GALNTL6: variants seen among roughly 807,000 people sequenced by gnomAD.
GALNTL6 encodes the protein polypeptide N-acetylgalactosaminyltransferase-like 6.
A neutral mutation model predicts 73.7 loss-of-function variants in GALNTL6; 46 were observed. The observed-to-expected ratio is 0.62, with a 90% CI of 0.49 to 0.80. The LOEUF (loss-of-function observed/expected upper bound fraction) is 0.80, where lower values mean the gene tolerates loss of function less well. Ranked by LOEUF, GALNTL6 falls within the 30% of genes least tolerant of loss-of-function variation. The pLI, the probability that GALNTL6 is intolerant of heterozygous loss-of-function variation, is 0.00. For synonymous variants in GALNTL6, 259 were observed against 263.7 expected (o/e 0.98, Z 0.17); for missense variants, 604 against 755.0 (o/e 0.80, Z 2.34).
intron 2 of GALNTL6, among the ~76,000 whole-genome samples, chr4:171,936,015 T>G (rs1010439360): frequency 6.6e-6 from 1 of 152,134 alleles, no homozygotes; most frequent in Non-Finnish European, 1.5e-5. Context: ...TCAGAAAATA[T>G]CTATCTGTGG....
intron 2 of GALNTL6, among the ~76,000 whole-genome samples, chr4:172,034,966 T>A (rs1229951354): frequency 6.6e-6 from 1 of 152,126 alleles, no homozygotes; most frequent in Non-Finnish European, 1.5e-5. Context: ...ATTCCTAAAC[T>A]CCTGCACTAA....
rs7658834 is a variant in GALNTL6, at chr4:173,023,670, G to A, written c.1638+2045G>A. Among the ~76,000 whole-genome samples the A allele has an allele frequency of 2.5e-4, 38 of 150,976 alleles. 1 individual carries two copies. Among genetic ancestry groups the A allele is most frequent in the African/African-American group, 8.7e-4 (36 of 41,172 alleles). On this transcript the variant is annotated intron_variant, in intron 12 of 12. Coordinates refer to ENST00000506823, the MANE Select transcript of GALNTL6 (RefSeq NM_001034845.3). ...AGAGCGAAACTCCATCCCAAAAAAA[G>A]CAAAAAAAAATCAGTTGTTATATCC...
chr4:172,480,609 C>T (rs1186491933), intron 5 of GALNTL6, among the ~76,000 whole-genome samples: 2 of 152,184 alleles, frequency 1.3e-5, no homozygotes, highest in African/African-American at 4.8e-5. Context: ...TAGTTAGCAG[C>T]TGCCGTACAA....
intron 5 of GALNTL6, among the ~76,000 whole-genome samples, chr4:172,519,471 C>A (rs1734707960): frequency 6.7e-6 from 1 of 150,014 alleles, no homozygotes; most frequent in Non-Finnish European, 1.5e-5. Flanking sequence ...ACATGAAAAT[C>A]AATTACCTGA....
intron 5 of GALNTL6, among the ~76,000 whole-genome samples, chr4:172,649,234 C>T (rs1740374188): frequency 6.6e-6 from 1 of 152,046 alleles, no homozygotes; most frequent in Non-Finnish European, 1.5e-5. Context: ...CTGAAGCAAC[C>T]TCAGCCACTG....
At position 172,598,638 on chromosome 4, in the gene GALNTL6, G is replaced by A. The variant is rs1423812518; in HGVS notation, c.554-210723G>A. Among the ~76,000 whole-genome samples, 6 of 151,362 alleles carry A rather than the reference G, an allele frequency of 4.0e-5. No individual in the cohort carries two copies. The East Asian group carries it at 1.2e-3, about 29-fold the overall frequency. ...AAATTTACGTCTACAGTTCCATGATGGATTTTAAAAGTTTTAAATCATGCA... is the reference window on the plus strand; with the variant it reads ...AAATTTACGTCTACAGTTCCATGATAGATTTTAAAAGTTTTAAATCATGCA... On this transcript the variant is annotated intron_variant, in intron 5 of 12. Transcript: ENST00000506823.
chr4:171,940,164 T>C (rs1228163933), intron 2 of GALNTL6, among the ~76,000 whole-genome samples: 5 of 149,328 alleles, frequency 3.3e-5, no homozygotes, highest in Non-Finnish European at 6.0e-5. Context: ...TGCAGTGTGT[T>C]TGATAACATA....
intron 10 of GALNTL6, among the ~76,000 whole-genome samples, chr4:172,952,782 T>G (rs1749522068): frequency 1.3e-5 from 2 of 152,174 alleles, no homozygotes; most frequent in African/African-American, 4.8e-5. Context: ...TCCCAAAGTT[T>G]TGGGATTACA....
chr4:173,035,759 T>C (rs1472365947), intron 12 of GALNTL6, among the ~76,000 whole-genome samples: 2 of 152,114 alleles, frequency 1.3e-5, no homozygotes, highest in African/African-American at 4.8e-5. Flanking sequence ...AAATGGGAGG[T>C]ACTATTGCAT....
chr4:172,759,847 T>C (rs1284382216), intron 5 of GALNTL6, among the ~76,000 whole-genome samples: 2 of 64,722 alleles, frequency 3.1e-5, no homozygotes, highest in Non-Finnish European at 6.2e-5. Flanking sequence ...TTTTTTTTTT[T>C]GAGACGGAGT....
At chr4:172,142,128 A>G (rs1040004278) in intron 2 of GALNTL6, among the ~76,000 whole-genome samples, 8 of 152,154 alleles carry the variant, frequency 5.3e-5, no homozygotes, top group African/African-American at 1.7e-4. Flanking sequence ...ATTCTAAATT[A>G]TAGAAATAAA....
chr4:172,351,166 G>T (rs1371763068), intron 5 of GALNTL6, among the ~76,000 whole-genome samples: 1 of 118,368 alleles, frequency 8.4e-6, no homozygotes, highest in Admixed American at 8.2e-5. Context: ...AATCAAATGT[G>T]ATCCACAATA....
At chr4:172,133,689 G>C (rs1179461882) in intron 2 of GALNTL6, among the ~76,000 whole-genome samples, 5 of 152,198 alleles carry the variant, frequency 3.3e-5, no homozygotes, top group Non-Finnish European at 7.3e-5. Context: ...TGGATAACCA[G>C]GGCTTCTTTA....
At chr4:172,217,508 C>T (rs548930201) in intron 2 of GALNTL6, among the ~76,000 whole-genome samples, 1 of 152,290 alleles carries the variant, frequency 6.6e-6, no homozygotes, top group African/African-American at 2.4e-5. Flanking sequence ...GACAAATCTT[C>T]AAGCCCAGTG....
chr4:172,642,839 T>C (rs1317553541), intron 5 of GALNTL6, among the ~76,000 whole-genome samples: 2 of 151,968 alleles, frequency 1.3e-5, no homozygotes, highest in Admixed American at 6.6e-5. Flanking sequence ...ATTCCATTTT[T>C]ATTTGTGAAT....
chr4:171,926,042 T>C (rs1333439409), intron 2 of GALNTL6, among the ~76,000 whole-genome samples: 3 of 152,080 alleles, frequency 2.0e-5, no homozygotes, highest in African/African-American at 4.8e-5. Flanking sequence ...TAACTAAGAT[T>C]AAAAAATGTT....
chr4:172,860,674 T>TGCTCTTACTTATAA (rs1560998040), intron 7 of GALNTL6, among the ~76,000 whole-genome samples: 45 of 152,242 alleles, frequency 3.0e-4, no homozygotes, highest in African/African-American at 1.1e-3. Flanking sequence ...TGCTTATAAG[T>TGCTCTTACTTATAA]GAAGTAAGAG....
In GALNTL6 at chr4:171,909,761, T is replaced by C. The variant is rs185547754; in HGVS notation, c.138+95043T>C. ...TAAGCATTTATAACTCCTTGTATTA[T>C]ATTAAAATGCTTTTCTATTTGTTAA... On this transcript the variant is annotated intron_variant, in intron 2 of 12. Coordinates refer to ENST00000506823, the MANE Select transcript of GALNTL6 (RefSeq NM_001034845.3). Among the ~76,000 whole-genome samples the C allele has an allele frequency of 1.7e-4, 26 of 152,306 alleles. No homozygotes were observed. In the East Asian group the frequency reaches 5.0e-3, roughly 29 times the overall value.
intron 4 of GALNTL6, among the ~76,000 whole-genome samples, chr4:172,346,490 T>C (rs527696883): frequency 6.6e-6 from 1 of 152,232 alleles, no homozygotes; most frequent in Admixed American, 6.5e-5. Context: ...ATCTTGAACC[T>C]GTCCTCTGCA....
Sources: allele counts gnomAD v4.1 joint callset (sites outside exome capture counted in the v4.1 genomes callset), GRCh38; gene constraint gnomAD v4.1.1; transcripts MANE v1.5; gene names NCBI Gene and HGNC (gene_info 2026-07-23, HGNC 2026-07-21).